Variants in BATF observed in about 807,000 individuals in gnomAD.
The protein encoded by BATF is basic leucine zipper transcriptional factor ATF-like.
BATF carries 5 observed loss-of-function variants against 13.7 expected under a neutral mutation model. That is an observed-to-expected ratio of 0.36 (90% CI 0.19 to 0.77). The LOEUF (loss-of-function observed/expected upper bound fraction) is 0.77. Ranked by LOEUF, BATF falls within the 30% of genes least tolerant of loss-of-function variation. The pLI is 0.51. For synonymous variants in BATF, 72 were observed against 67.5 expected, an observed-to-expected ratio of 1.07 and a Z score of -0.33; for missense variants, 124 against 163.0, an observed-to-expected ratio of 0.76 and a Z score of 1.30.
At chr14:75,544,248 A>G (rs1887947153) in intron 2 of BATF, among the ~76,000 whole-genome samples, 1 of 152,192 alleles carries the variant, frequency 6.6e-6, no homozygotes, top group South Asian at 2.1e-4. Context: ...GGATTTAAAA[A>G]AAAAATTATT....
At chr14:75,522,812 TC>T in intron 1 of BATF, 67 bp downstream of exon 1, 1 of 1,591,256 alleles carries the variant, frequency 6.3e-7, no homozygotes, top group Non-Finnish European at 8.6e-7. Context: ...GAGCCAGGCT[TC>T]CTTGTCCTGC....
At chr14:75,524,312 T>A (rs1206542585) in intron 1 of BATF, among the ~76,000 whole-genome samples, 5 of 152,190 alleles carry the variant, frequency 3.3e-5, no homozygotes, top group Non-Finnish European at 7.3e-5. Flanking sequence ...CCATTAACGT[T>A]CTTTTTGGCA....
At chr14:75,542,949 GC>G (rs1887918844) in intron 2 of BATF, among the ~76,000 whole-genome samples, 1 of 152,222 alleles carries the variant, frequency 6.6e-6, no homozygotes, top group Non-Finnish European at 1.5e-5. Flanking sequence ...CAGCCTCTAG[GC>G]GGGGAGAAGG....
At chr14:75,537,340 G>A (rs1887834524) in intron 2 of BATF, among the ~76,000 whole-genome samples, 1 of 152,126 alleles carries the variant, frequency 6.6e-6, no homozygotes, top group South Asian at 2.1e-4. Context: ...TTTGAGTGGT[G>A]GTTAATCACT....
intron 2 of BATF, among the ~76,000 whole-genome samples, chr14:75,528,998 C>A (rs1399747009): frequency 6.6e-6 from 1 of 152,026 alleles, no homozygotes; most frequent in African/African-American, 2.4e-5. Flanking sequence ...GAAAGATATA[C>A]CTTATGTAAA....
chr14:75,530,796 G>T (rs1887721027), intron 2 of BATF, among the ~76,000 whole-genome samples: 1 of 152,130 alleles, frequency 6.6e-6, no homozygotes, highest in Admixed American at 6.5e-5. Flanking sequence ...TTACAGGTGT[G>T]AGCAACAGCA....
At chr14:75,543,852 A>C (rs1887940851) in intron 2 of BATF, among the ~76,000 whole-genome samples, 1 of 151,814 alleles carries the variant, frequency 6.6e-6, no homozygotes, top group Admixed American at 6.6e-5. Flanking sequence ...CAAAAAACCA[A>C]AAAACTGCTG....
rs73321105 is a variant in BATF, at chr14:75,532,742, A to T, written c.168+7554A>T. Among the ~76,000 whole-genome samples, 796 of 152,364 alleles carry T rather than the reference A, an allele frequency of 5.2e-3. 5 individuals are homozygous for T. Among genetic ancestry groups the T allele is most frequent in the African/African-American group, 0.018 (757 of 41,582 alleles). ...AAAATTTATGCTGGTACTAAAAATGATTATGTAGATCTGTATTTATCAGCA... is the reference window on the plus strand; with the variant it reads ...AAAATTTATGCTGGTACTAAAAATGTTTATGTAGATCTGTATTTATCAGCA... On this transcript the variant is annotated intron_variant, in intron 2 of 2. Coordinates refer to ENST00000286639, the MANE Select transcript of BATF (RefSeq NM_006399.5).
chr14:75,546,622 CCCACGCATT>C lies in BATF; in HGVS notation c.334_342del (p.Ala112_His114del). ...TCGCCCCCCGAGGTGGTGTACAGCG[CCCACGCATT>C]CCACCAACCTCATGTCAGCTCCCCG... On this transcript the variant is annotated inframe_deletion, in exon 3 of 3. Coordinates refer to ENST00000286639, the MANE Select transcript of BATF (RefSeq NM_006399.5). The C allele has an allele frequency of 6.2e-7, 1 of 1,613,140 alleles. No homozygotes were observed. The highest frequency in any genetic ancestry group is 8.5e-7 in the Non-Finnish European group (1 of 1,179,618).
intron 2 of BATF, among the ~76,000 whole-genome samples, chr14:75,533,427 CAA>C (rs888084841): frequency 0.01 from 655 of 63,882 alleles, 16 homozygotes; most frequent in Admixed American, 0.083. Flanking sequence ...GACTCCGTCT[CAA>C]AAAAAAAAAA....
chr14:75,529,988 C>T (rs1259796185), intron 2 of BATF, among the ~76,000 whole-genome samples: 6 of 148,326 alleles, frequency 4.0e-5, no homozygotes, highest in East Asian at 2.0e-4. Context: ...GGCGTGAACC[C>T]GGGAGGCGGA....
At chr14:75,546,307 G>A (rs534956002) in intron 2 of BATF, among the ~76,000 whole-genome samples, 155 bp from the exon 3 acceptor site, 1 of 152,252 alleles carries the variant, frequency 6.6e-6, no homozygotes, top group South Asian at 2.1e-4. Flanking sequence ...ATACACTTGT[G>A]CACACATTCA....
intron 2 of BATF, among the ~76,000 whole-genome samples, chr14:75,538,443 G>A (rs904045720): frequency 1.3e-5 from 2 of 152,226 alleles, no homozygotes; most frequent in Admixed American, 1.3e-4. Context: ...TGCACAGCCA[G>A]GGTTGAGAAT....
At chr14:75,539,423 A>AT (rs1566768765) in intron 2 of BATF, among the ~76,000 whole-genome samples, 3 of 14,104 alleles carry the variant, frequency 2.1e-4, no homozygotes, top group African/African-American at 5.5e-4. Flanking sequence ...GGTAAGCTGG[A>AT]ATTTTTTTTT....
intron 2 of BATF, among the ~76,000 whole-genome samples, chr14:75,544,872 CTGTT>C (rs1233696362): frequency 1.4e-5 from 2 of 142,318 alleles, no homozygotes; most frequent in East Asian, 2.1e-4. Context: ...CAGAGAAAGT[CTGTT>C]TGGTTGAGTC....
chr14:75,542,319 G>A lies in BATF; in HGVS notation c.169-4143G>A, dbSNP rs144043814. On this transcript the variant is annotated intron_variant, in intron 2 of 2. Transcript: ENST00000286639. ...TGTGAGGAGTCTGATGGACCTGGAT[G>A]AATTCTGAATAGGAGAAAGATGGGT... 1.2e-3 allele frequency among the ~76,000 whole-genome samples: 178 copies of A among 152,340 alleles called. 1 individual carries two copies. Among genetic ancestry groups the A allele is most frequent in the Non-Finnish European group, 2.0e-3 (137 of 68,024 alleles).
chr14:75,538,336 G>C (rs1440310054), intron 2 of BATF, among the ~76,000 whole-genome samples: 1 of 152,198 alleles, frequency 6.6e-6, no homozygotes, highest in Non-Finnish European at 1.5e-5. Flanking sequence ...TTAAAGTCTT[G>C]ATGCCTGCAA....
chr14:75,536,688 A>G (rs1887822998), intron 2 of BATF, among the ~76,000 whole-genome samples: 1 of 149,692 alleles, frequency 6.7e-6, no homozygotes, highest in Non-Finnish European at 1.5e-5. Flanking sequence ...GCACCACTGC[A>G]CTCCAGCCTG....
chr14:75,533,865 G>A (rs779208000), intron 2 of BATF, among the ~76,000 whole-genome samples: 4 of 152,150 alleles, frequency 2.6e-5, no homozygotes, highest in Non-Finnish European at 4.4e-5. Context: ...AACTGAGGAC[G>A]CCCAAGAACC....
Sources: gnomAD v4.1 joint callset for allele counts (sites outside exome capture counted in the v4.1 genomes callset) on GRCh38, gnomAD v4.1.1 for gene constraint, MANE v1.5 for transcripts, NCBI Gene and HGNC (gene_info 2026-07-23, HGNC 2026-07-21) for gene names.